The following SLC12A3 variants were observed in gnomAD, a reference collection of about 807,000 sequenced individuals.
SLC12A3 encodes Na-Cl cotransporter.
SLC12A3 carries 104 observed loss-of-function variants against 121.0 expected under a neutral mutation model. The ratio of observed to expected loss-of-function variants is 0.86; its 90% confidence interval spans 0.73 to 1.01. The LOEUF (loss-of-function observed/expected upper bound fraction) is 1.01. Among genes scored for constraint, SLC12A3 ranks in the 50% least tolerant of loss-of-function variants. The pLI is 0.00. For synonymous variants in SLC12A3, 536 were observed against 533.4 expected (o/e 1.00, Z -0.07); for missense variants, 1,328 against 1,356.3 (o/e 0.98, Z 0.33).
intron 25 of SLC12A3, among the ~76,000 whole-genome samples, chr16:56,908,605 G>A (rs1445727656): frequency 6.6e-6 from 1 of 152,194 alleles, no homozygotes; most frequent in Non-Finnish European, 1.5e-5. Flanking sequence ...GGAGCAGAAG[G>A]CCCCGTGTGA....
intron 4 of SLC12A3, 89 bp downstream of exon 4, chr16:56,869,913 C>A: frequency 7.2e-7 from 1 of 1,380,902 alleles, no homozygotes; most frequent in Non-Finnish European, 1.0e-6. Context: ...CCCAATGGTA[C>A]ACCCAGCCGC....
At chr16:56,906,383 T>A (rs1371748285) in intron 25 of SLC12A3, among the ~76,000 whole-genome samples, 1 of 152,176 alleles carries the variant, frequency 6.6e-6, no homozygotes, top group East Asian at 1.9e-4. Flanking sequence ...TAGATAAAGC[T>A]TGAGGATACG....
At chr16:56,895,595 A>AAGACTGGAG (rs2055451926) in intron 22 of SLC12A3, among the ~76,000 whole-genome samples, 1 of 151,924 alleles carries the variant, frequency 6.6e-6, no homozygotes, top group East Asian at 1.9e-4. Flanking sequence ...CCTCCTCCTG[A>AAGACTGGAG]GAAATGAAGT....
At chr16:56,881,096 A>G (rs1467744472) in intron 12 of SLC12A3, among the ~76,000 whole-genome samples, 8 of 150,706 alleles carry the variant, frequency 5.3e-5, no homozygotes, top group African/African-American at 1.7e-4. Context: ...CCATGCTGCA[A>G]CATGATGTCC....
At chr16:56,899,459 A>G (rs2055508308) in intron 22 of SLC12A3, 71 bp from the exon 23 acceptor site, 2 of 1,222,972 alleles carry the variant, frequency 1.6e-6, no homozygotes. Flanking sequence ...ACTGCACTCC[A>G]GCCTGGGAGA....
In SLC12A3 at chr16:56,872,445, G is replaced by C. The variant is rs748920885; in HGVS notation, c.947G>C (p.Gly316Ala). ...CCATCTGAGGACAAGGCCTCCAAAG[G>C]CTTCTTCAGCTACCGGGGTATGTGC... ...IPPSEDKASKGFFSYRADIFV... is the reference protein window; with the variant it reads ...IPPSEDKASKAFFSYRADIFV... Residue 316 changes from glycine (G) to alanine (A), a missense_variant, in exon 7 of 26, where the codon GGC becomes GCC. Gly to Ala is a moderately conservative substitution (Grantham distance 60). Coordinates refer to ENST00000563236, the MANE Select transcript of SLC12A3 (RefSeq NM_001126108.2). 5 of 1,613,640 alleles carry C rather than the reference G, an allele frequency of 3.1e-6. No homozygotes were observed. The highest frequency in any genetic ancestry group is 1.3e-5 in the African/African-American group (1 of 74,928).
rs2055413556 is a variant in SLC12A3 at position 56,893,147 on chromosome 16, G to A, written c.2521+93G>A. 2.9e-6 allele frequency: 3 copies of A among 1,044,282 alleles called. No homozygotes were observed. The South Asian group carries it at 4.1e-5, about 14-fold the overall frequency. The allele number at this position is 1,044,282 out of a possible 1,614,324, so 64.7% of individuals were successfully genotyped here. On this transcript the variant is annotated intron_variant, in intron 21 of 25. Coordinates refer to ENST00000563236, the MANE Select transcript of SLC12A3 (RefSeq NM_001126108.2). The stretch of plus-strand genomic sequence containing the variant: ...CTCCTTCCTGGCCTGCTCTCAAAGG[G>A]GACAGGGGCTCCTGGGCCCAGCAGT...
intron 7 of SLC12A3, 54 bp downstream of exon 7, chr16:56,872,516 C>A: frequency 6.3e-7 from 1 of 1,589,558 alleles, no homozygotes; most frequent in Non-Finnish European, 8.6e-7. Flanking sequence ...ACTCTCTACC[C>A]AGGAATCTGG....
At chr16:56,869,653 G>T (rs534143570) in intron 3 of SLC12A3, 76 bp from the exon 4 acceptor site, 4 of 1,132,168 alleles carry the variant, frequency 3.5e-6, no homozygotes, top group Non-Finnish European at 5.4e-6. Flanking sequence ...AACGTAGGTC[G>T]CATGGTGAAT....
In SLC12A3 at chr16:56,913,387, C is replaced by T. The variant is rs763150350; in HGVS notation, c.3048C>T (p.Leu1016=). The T allele has an allele frequency of 2.5e-6, 4 of 1,614,184 alleles. No individual in the cohort carries two copies. The South Asian group carries it at 4.4e-5, about 18-fold the overall frequency. Residue 1016 remains leucine (L), a synonymous_variant, in exon 26 of 26, where the codon CTC becomes CTT. Transcript: ENST00000563236. ...ILIRGNQENV[L]TFYCQ ...TCCGAGGAAACCAGGAAAACGTGCT[C>T]ACCTTTTACTGCCAGTAACTCCAGG...
intron 22 of SLC12A3, among the ~76,000 whole-genome samples, chr16:56,897,608 C>A (rs2144754952): frequency 6.6e-6 from 1 of 152,326 alleles, no homozygotes; most frequent in Admixed American, 6.5e-5. Flanking sequence ...TCTCTGTGAT[C>A]TCCAAAAAGT....
At chr16:56,897,925 C>T (rs563661250) in intron 22 of SLC12A3, among the ~76,000 whole-genome samples, 1 of 152,256 alleles carries the variant, frequency 6.6e-6, no homozygotes, top group African/African-American at 2.4e-5. Context: ...CAAAATTTCA[C>T]TCCCCAAGAT....
At chr16:56,886,678 C>T (rs2144729249) in intron 16 of SLC12A3, among the ~76,000 whole-genome samples, 1 of 152,252 alleles carries the variant, frequency 6.6e-6, no homozygotes, top group African/African-American at 2.4e-5. Context: ...CAAGGGGCAC[C>T]CAGCCAGGCA....
intron 25 of SLC12A3, among the ~76,000 whole-genome samples, chr16:56,912,793 G>A (rs767601313): frequency 2.6e-5 from 4 of 152,310 alleles, no homozygotes; most frequent in Admixed American, 6.5e-5. Context: ...AGGAAGAGGC[G>A]TGGGCGGCCT....
At chr16:56,869,700 C>T (rs773172166) in intron 3 of SLC12A3, 29 bp from the exon 4 acceptor site, 9 of 1,599,376 alleles carry the variant, frequency 5.6e-6, no homozygotes, top group African/African-American at 4.0e-5. Flanking sequence ...TGGGAAATGC[C>T]CTGCCTAAGC....
rs779160677 is a variant in SLC12A3, at chr16:56,885,283, C to G, written c.1844C>G (p.Ser615Trp). 3 of 1,553,188 alleles carry G rather than the reference C, an allele frequency of 1.9e-6. No homozygotes were observed. Among genetic ancestry groups the G allele is most frequent in the Non-Finnish European group, 2.6e-6 (3 of 1,147,604 alleles). Residue 615 changes from serine (S) to tryptophan (W), a missense_variant, in exon 15 of 26, where the codon TCG becomes TGG. Coordinates refer to ENST00000563236, the MANE Select transcript of SLC12A3 (RefSeq NM_001126108.2). ...YKKPEVNWGS[S>W]VQAGSYNLAL... is the part of the protein sequence containing the mutation. ...CTCCCAGAGGTAAATTGGGGCTCCT[C>G]GGTACAGGCTGGCTCCTACAACCTG... is the stretch of plus-strand genomic sequence containing the variant.
At position 56,915,087 on chromosome 16, in the gene SLC12A3, A is replaced by G. The variant is rs1329838144; in HGVS notation, c.*1682A>G. 2 of 152,332 alleles carry G rather than the reference A, an allele frequency of 1.3e-5. No homozygotes were observed. Among genetic ancestry groups the G allele is most frequent in the Non-Finnish European group, 2.9e-5 (2 of 68,130 alleles). The allele number at this position is 152,332 out of a possible 1,614,324, so 9.4% of individuals were successfully genotyped here. A position where few individuals can be genotyped will look rare whatever the true frequency, so the allele number is the denominator to read the frequency against. On this transcript the variant is annotated 3_prime_UTR_variant, in exon 26 of 26. Transcript: ENST00000563236. The stretch of plus-strand genomic sequence containing the variant: ...CCCCAGTGTTTGAGCCCCCAAAGCT[A>G]GGGTGCAAGAGCACTGCCATCGAAT...
intron 16 of SLC12A3, 71 bp downstream of exon 16, chr16:56,886,546 G>T: frequency 7.3e-7 from 1 of 1,369,294 alleles, no homozygotes; most frequent in South Asian, 1.2e-5. Context: ...GCACTCTGGG[G>T]AGCCAAGACA....
intron 15 of SLC12A3, among the ~76,000 whole-genome samples, chr16:56,885,960 C>T (rs1191740830): frequency 6.6e-6 from 1 of 152,208 alleles, no homozygotes; most frequent in Non-Finnish European, 1.5e-5. Flanking sequence ...CTCCAGTTGA[C>T]TCAGGTCATG....
Sources: gnomAD v4.1 joint callset for allele counts (sites outside exome capture counted in the v4.1 genomes callset) on GRCh38, gnomAD v4.1.1 for gene constraint, MANE v1.5 for transcripts, NCBI Gene and HGNC (gene_info 2026-07-23, HGNC 2026-07-21) for gene names.